The following MTUS2 variants were observed in gnomAD, a reference collection of about 807,000 sequenced individuals.
The protein encoded by MTUS2 is microtubule associated scaffold protein 2.
Under a neutral mutation model 114.1 loss-of-function variants are expected in MTUS2, and 40 were observed. That is an observed-to-expected ratio of 0.35 (90% CI 0.27 to 0.46). MTUS2 has a LOEUF of 0.46. Among genes scored for constraint, MTUS2 ranks in the 20% least tolerant of loss-of-function variants. The pLI, the probability that MTUS2 is intolerant of heterozygous loss-of-function variation, is 1.00. For synonymous variants in MTUS2, 688 were observed against 672.0 expected (o/e 1.02, Z -0.37); for missense variants, 1,679 against 1,705.4 (o/e 0.98, Z 0.27).
At chr13:28,906,192 T>C (rs900784206) in intron 2 of MTUS2, among the ~76,000 whole-genome samples, 55 of 151,624 alleles carry the variant, frequency 3.6e-4, no homozygotes, top group African/African-American at 1.3e-3. Context: ...TTGTTGATCT[T>C]TTCAAAAATC....
rs568516230 is a variant in MTUS2, at chr13:29,135,505, G to C, written c.2644+34535G>C. On this transcript the variant is annotated intron_variant, in intron 5 of 15. Transcript: ENST00000612955. The stretch of plus-strand genomic sequence containing the variant: ...CCATTCTGTCAGTCTCTTTTGATTG[G>C]AGAGTTTAATCCATTGAATTTAAAG... 6.7e-4 allele frequency among the ~76,000 whole-genome samples: 102 copies of C among 152,258 alleles called. No homozygotes were observed. The South Asian group carries it at 0.011, about 16-fold the overall frequency.
At chr13:29,248,810 T>C (rs764597763) in intron 5 of MTUS2, among the ~76,000 whole-genome samples, 1 of 152,224 alleles carries the variant, frequency 6.6e-6, no homozygotes, top group African/African-American at 2.4e-5. Context: ...CATGATCTCA[T>C]TCCTTTTTAT....
At chr13:28,881,870 T>C (rs2138141239) in intron 2 of MTUS2, among the ~76,000 whole-genome samples, 1 of 152,306 alleles carries the variant, frequency 6.6e-6, no homozygotes, top group Non-Finnish European at 1.5e-5. Context: ...GACATAAAGA[T>C]CAATGGAACA....
chr13:29,069,346 G>A (rs985892008), intron 4 of MTUS2, among the ~76,000 whole-genome samples: 1 of 152,128 alleles, frequency 6.6e-6, no homozygotes, highest in African/African-American at 2.4e-5. Flanking sequence ...AACATCAAAG[G>A]CAGGAAAAGA....
intron 10 of MTUS2, among the ~76,000 whole-genome samples, chr13:29,481,493 C>T (rs1881172026): frequency 6.6e-6 from 1 of 152,074 alleles, no homozygotes; most frequent in East Asian, 1.9e-4. Context: ...TTATGATATG[C>T]TTAAGGTAAG....
chr13:29,187,309 G>T (rs1308695414), intron 5 of MTUS2, among the ~76,000 whole-genome samples: 1 of 152,024 alleles, frequency 6.6e-6, no homozygotes, highest in East Asian at 1.9e-4. Flanking sequence ...GAAACCAAAA[G>T]TTGGTTCTTA....
chr13:29,068,979 T>G (rs1156231409), intron 4 of MTUS2, among the ~76,000 whole-genome samples: 2 of 151,918 alleles, frequency 1.3e-5, no homozygotes, highest in African/African-American at 4.8e-5. Context: ...TGGAGTAGGG[T>G]AGGGTAGGAA....
Position 29,439,987 on chromosome 13 carries a change from A to G in MTUS2, c.3122A>G (p.Glu1041Gly). 6.3e-7 allele frequency: 1 copy of G among 1,581,880 alleles called. No individual in the cohort carries two copies. Among genetic ancestry groups the G allele is most frequent in the South Asian group, 1.2e-5 (1 of 86,302 alleles). ...VATQHFFRKN[E>G]SALVKEKELS... ...TATCCGTTTTTGTTTTTTCAGAATG[A>G]AAGTGCCCTTGTGAAAGAAAAAGAG... is the stretch of plus-strand genomic sequence containing the variant. The change falls in exon 9 of 16, where the codon GAA (glutamate) becomes GGA (glycine). Residue 1041 changes from glutamate (E) to glycine (G), a missense_variant. Physicochemically the swap from Glu to Gly is moderately conservative, Grantham distance 98. This residue lies in a region of MTUS2 where 822 missense variants were observed against 899.7 expected (regional missense o/e 0.91). Coordinates refer to ENST00000612955, the MANE Select transcript of MTUS2 (RefSeq NM_001033602.4).
intron 1 of MTUS2, among the ~76,000 whole-genome samples, chr13:28,832,708 A>T (rs1180685619): frequency 6.7e-6 from 1 of 148,300 alleles, no homozygotes; most frequent in Non-Finnish European, 1.5e-5. Context: ...AATAAAAATA[A>T]GTACACAATG....
chr13:28,861,439 C>CT (rs11462684), intron 2 of MTUS2, among the ~76,000 whole-genome samples: 91,449 of 139,480 alleles, frequency 0.66, 30,097 homozygotes, highest in Admixed American at 0.73. Flanking sequence ...CTGTTTTTTT[C>CT]TTTTTTTTTT....
chr13:29,307,367 G>T lies in MTUS2; in HGVS notation c.2807-17246G>T, dbSNP rs1230685139. On this transcript the variant is annotated intron_variant, in intron 6 of 15. Transcript: ENST00000612955. The stretch of plus-strand genomic sequence containing the variant: ...GATGGACCATCCAGGAGACTGTGGT[G>T]TGATAGCCATGGGGCTCTCCAGAAC... 1.4e-5 allele frequency: 11 copies of T among 789,026 alleles called. 1 individual carries two copies. In the South Asian group the frequency reaches 1.6e-4, roughly 11 times the overall value. 48.9% of individuals were successfully genotyped at this position (789,026 alleles called of 1,614,324 possible). A position where few individuals can be genotyped will look rare whatever the true frequency, so the allele number is the denominator to read the frequency against.
chr13:28,923,410 G>A (rs1436640302), intron 2 of MTUS2, among the ~76,000 whole-genome samples: 2 of 152,152 alleles, frequency 1.3e-5, no homozygotes, highest in African/African-American at 2.4e-5. Context: ...CATTTTAGAA[G>A]GCAGTCACCC....
chr13:29,348,870 A>G (rs192958894), intron 7 of MTUS2, among the ~76,000 whole-genome samples: 66 of 152,324 alleles, frequency 4.3e-4, no homozygotes, highest in Non-Finnish European at 8.4e-4. Context: ...GAGCCACTTC[A>G]GCTTTCTCTT....
intron 2 of MTUS2, among the ~76,000 whole-genome samples, chr13:28,911,166 C>T (rs1433545051): frequency 1.5e-5 from 2 of 136,648 alleles, no homozygotes; most frequent in Admixed American, 7.5e-5. Context: ...TGAGCCACTG[C>T]GCCCTGCTTT....
rs183482854 is a variant in MTUS2 at position 29,410,101 on chromosome 13, C to G, written c.3118-29882C>G. 4.7e-5 allele frequency among the ~76,000 whole-genome samples: 7 copies of G among 150,214 alleles called. No individual in the cohort carries two copies. In the Admixed American group the frequency reaches 4.7e-4, roughly 10 times the overall value. The stretch of plus-strand genomic sequence containing the variant: ...TTTAAGAGTGACTGTTTCCTCGAAC[C>G]CTTGCCCATCGAATATGCTGTTGTA... On this transcript the variant is annotated intron_variant, in intron 8 of 15. Coordinates refer to ENST00000612955, the MANE Select transcript of MTUS2 (RefSeq NM_001033602.4).
intron 9 of MTUS2, among the ~76,000 whole-genome samples, chr13:29,472,329 A>G (rs912302436): frequency 2.0e-5 from 3 of 152,158 alleles, no homozygotes; most frequent in Admixed American, 2.0e-4. Flanking sequence ...GCCATGGTCC[A>G]TGAACTTTCA....
intron 6 of MTUS2, chr13:29,307,645 AC>A (rs1899537863): frequency 8.7e-7 from 1 of 1,146,918 alleles, no homozygotes; most frequent in Non-Finnish European, 1.3e-6. Context: ...CAACAGCGAC[AC>A]CCACTCTTCC....
intron 1 of MTUS2, among the ~76,000 whole-genome samples, chr13:28,820,902 C>T (rs2137912514): frequency 6.6e-6 from 1 of 152,318 alleles, no homozygotes; most frequent in East Asian, 1.9e-4. Flanking sequence ...TACCCACCCC[C>T]AGCTTTGGAT....
chr13:28,979,717 A>G (rs1884272925), intron 2 of MTUS2, among the ~76,000 whole-genome samples: 2 of 152,168 alleles, frequency 1.3e-5, no homozygotes, highest in Admixed American at 6.5e-5. Flanking sequence ...CTGGGAGAGT[A>G]AGAGGCTCTG....
Sources: gnomAD v4.1 joint callset for allele counts (sites outside exome capture counted in the v4.1 genomes callset) on GRCh38, gnomAD v4.1.1 for gene constraint, gnomAD v4.1.1 regional missense constraint, MANE v1.5 for transcripts, NCBI Gene and HGNC (gene_info 2026-07-23, HGNC 2026-07-21) for gene names.